The following EYS variants were observed in gnomAD, a reference collection of about 807,000 sequenced individuals.
EYS encodes the protein protein eyes shut homolog.
EYS carries 250 observed loss-of-function variants against 282.1 expected under a neutral mutation model. That is an observed-to-expected ratio of 0.89 (90% CI 0.80 to 0.98). EYS has a LOEUF of 0.98. Among genes scored for constraint, EYS ranks in the 50% least tolerant of loss-of-function variants. The pLI, the probability that EYS is intolerant of heterozygous loss-of-function variation, is 0.00. For missense variants in EYS, 4,016 were observed against 3,709.0 expected, an observed-to-expected ratio of 1.08 and a Z score of -2.15; for synonymous variants, 1,355 against 1,282.9, an observed-to-expected ratio of 1.06 and a Z score of -1.20.
chr6:64,162,711 A>G (rs990692505), intron 31 of EYS, among the ~76,000 whole-genome samples: 1 of 152,142 alleles, frequency 6.6e-6, no homozygotes, highest in Non-Finnish European at 1.5e-5. Context: ...AGTTAATCCA[A>G]GGAAGTTGTG....
intron 26 of EYS, among the ~76,000 whole-genome samples, chr6:64,585,919 A>G (rs1049914089): frequency 8.5e-5 from 13 of 152,128 alleles, no homozygotes; most frequent in Admixed American, 4.6e-4. Flanking sequence ...CTGAGTGCTC[A>G]AATTAATATA....
intron 26 of EYS, among the ~76,000 whole-genome samples, chr6:64,440,393 T>C (rs914196534): frequency 6.6e-6 from 1 of 152,062 alleles, no homozygotes; most frequent in Non-Finnish European, 1.5e-5. Flanking sequence ...AAATTAATTT[T>C]TTTCACTGGA....
At chr6:64,328,995 A>T (rs1770533284) in intron 29 of EYS, among the ~76,000 whole-genome samples, 1 of 152,166 alleles carries the variant, frequency 6.6e-6, no homozygotes, top group Non-Finnish European at 1.5e-5. Context: ...AGAACCCCCT[A>T]CTGCTGGTCA....
intron 26 of EYS, among the ~76,000 whole-genome samples, chr6:64,588,812 A>T (rs982577667): frequency 3.3e-5 from 5 of 152,032 alleles, no homozygotes; most frequent in Non-Finnish European, 7.4e-5. Context: ...TGCCTTGCAA[A>T]TGATTTATTA....
chr6:64,920,156 A>AT (rs1293745370), intron 15 of EYS, among the ~76,000 whole-genome samples: 2 of 152,034 alleles, frequency 1.3e-5, no homozygotes, highest in East Asian at 1.9e-4. Context: ...CAGAATTTAG[A>AT]TTTTTTTGTA....
chr6:64,241,787 G>A (rs1017010623), intron 30 of EYS, among the ~76,000 whole-genome samples: 7 of 151,674 alleles, frequency 4.6e-5, no homozygotes, highest in African/African-American at 1.5e-4. Context: ...TGTGATATTA[G>A]GGTGTCAATT....
At chr6:65,521,256 TAC>T (rs1277805916) in intron 2 of EYS, among the ~76,000 whole-genome samples, 2 of 152,096 alleles carry the variant, frequency 1.3e-5, no homozygotes, top group Non-Finnish European at 2.9e-5. Flanking sequence ...AGTACTTAAG[TAC>T]AGAGGCTCTA....
intron 12 of EYS, among the ~76,000 whole-genome samples, chr6:65,269,905 A>G (rs1767852195): frequency 6.6e-6 from 1 of 152,186 alleles, no homozygotes; most frequent in African/African-American, 2.4e-5. Flanking sequence ...AGAGGGAAAG[A>G]AATATTCAAT....
At chr6:65,202,182 T>C (rs1765919733) in intron 12 of EYS, among the ~76,000 whole-genome samples, 2 of 152,022 alleles carry the variant, frequency 1.3e-5, no homozygotes, top group Non-Finnish European at 2.9e-5. Context: ...GAATAATGTA[T>C]CATGCTAATT....
intron 30 of EYS, among the ~76,000 whole-genome samples, chr6:64,233,359 A>C (rs1262508859): frequency 6.6e-6 from 1 of 152,190 alleles, no homozygotes; most frequent in Non-Finnish European, 1.5e-5. Context: ...AGATGATGTC[A>C]CAAATTTACT....
chr6:65,471,268 G>T (rs964299084), intron 5 of EYS, among the ~76,000 whole-genome samples: 13 of 149,574 alleles, frequency 8.7e-5, no homozygotes, highest in Non-Finnish European at 7.4e-5. Context: ...ATTTGTTAGG[G>T]TGCCTGTGGT....
In EYS at chr6:64,395,076, G is replaced by T. The variant is rs574017855; in HGVS notation, c.5928-6236C>A. ...TCAGAGAGATGCAAATCAAAACCAT[G>T]ATGCGATACCATCTCACACCAGTTA... is the stretch of plus-strand genomic sequence containing the variant. On this transcript the variant is annotated intron_variant, in intron 28 of 42. Transcript: ENST00000503581. Among the ~76,000 whole-genome samples, 564 of 152,194 alleles carry T rather than the reference G, an allele frequency of 3.7e-3. 1 individual carries two copies. Among genetic ancestry groups the T allele is most frequent in the Non-Finnish European group, 5.7e-3 (385 of 68,000 alleles).
At chr6:64,527,739 C>A (rs759915404) in intron 26 of EYS, among the ~76,000 whole-genome samples, 3 of 151,074 alleles carry the variant, frequency 2.0e-5, no homozygotes, top group Non-Finnish European at 4.4e-5. Flanking sequence ...TAATAAGGAA[C>A]CATAAATAAA....
At chr6:64,096,686 A>T (rs563433760) in intron 31 of EYS, among the ~76,000 whole-genome samples, 158 of 152,198 alleles carry the variant, frequency 1.0e-3, no homozygotes, top group African/African-American at 2.9e-3. Context: ...CTTCTTTGCC[A>T]TGGGTTCAAA....
At chr6:64,740,428 C>T (rs940442778) in intron 22 of EYS, among the ~76,000 whole-genome samples, 3 of 152,142 alleles carry the variant, frequency 2.0e-5, no homozygotes, top group Non-Finnish European at 4.4e-5. Context: ...CCTTGGAGAA[C>T]AGGTGATCTA....
At chr6:64,387,642 A>G (rs1272145210) in intron 29 of EYS, among the ~76,000 whole-genome samples, 2 of 152,170 alleles carry the variant, frequency 1.3e-5, no homozygotes, top group Non-Finnish European at 2.9e-5. Context: ...ATTTTTTACT[A>G]TCATGGAACT....
At chr6:65,601,029 A>T (rs1473438475) in intron 2 of EYS, among the ~76,000 whole-genome samples, 1 of 152,052 alleles carries the variant, frequency 6.6e-6, no homozygotes, top group East Asian at 1.9e-4. Flanking sequence ...ATCATGATAG[A>T]TTCAAAATAT....
At chr6:65,702,756 C>T (rs1175043667) in intron 1 of EYS, among the ~76,000 whole-genome samples, 1 of 151,444 alleles carries the variant, frequency 6.6e-6, no homozygotes, top group Non-Finnish European at 1.5e-5. Context: ...TGTATAAATA[C>T]ATAGATACAT....
At chr6:65,687,431 C>T (rs988959186) in intron 1 of EYS, among the ~76,000 whole-genome samples, 4 of 152,022 alleles carry the variant, frequency 2.6e-5, no homozygotes, top group South Asian at 4.1e-4. Context: ...TAACTCCCTA[C>T]TTTTCCGCCT....
Sources: gnomAD v4.1 joint callset for allele counts (sites outside exome capture counted in the v4.1 genomes callset) on GRCh38, gnomAD v4.1.1 for gene constraint, MANE v1.5 for transcripts, NCBI Gene and HGNC (gene_info 2026-07-23, HGNC 2026-07-21) for gene names.